DARS2: variants seen among roughly 807,000 people sequenced by gnomAD.
DARS2 encodes aspartate--tRNA ligase, mitochondrial.
Under a neutral mutation model 83.0 loss-of-function variants are expected in DARS2, and 63 were observed. The ratio of observed to expected loss-of-function variants is 0.76; its 90% CI spans 0.62 to 0.94. The LOEUF (loss-of-function observed/expected upper bound fraction) is 0.94. Among genes scored for constraint, DARS2 ranks in the 40% least tolerant of loss-of-function variants. The pLI is 0.00. For missense variants in DARS2, 675 were observed against 774.4 expected (o/e 0.87, Z 1.52); for synonymous variants, 250 against 269.3 (o/e 0.93, Z 0.70).
Position 173,833,537 on chromosome 1 carries a change from G to A in DARS2, c.616+38G>A, listed in dbSNP as rs542032133. On this transcript the variant is annotated intron_variant, in intron 6 of 16. Transcript: ENST00000649689. ...CCTGGATGCTCTTTGGAGCTTTGTAGCATCTCTTCTATTTTATTCAGCAGT... is the reference window on the plus strand; with the variant it reads ...CCTGGATGCTCTTTGGAGCTTTGTAACATCTCTTCTATTTTATTCAGCAGT... 5 of 1,613,160 alleles carry A rather than the reference G, an allele frequency of 3.1e-6. No homozygotes were observed. In the African/African-American group the frequency reaches 5.3e-5, roughly 17 times the overall value.
chr1:173,831,746 G>T (rs1300824673), intron 5 of DARS2, 116 bp downstream of exon 5: 10 of 813,854 alleles, frequency 1.2e-5, no homozygotes, highest in Middle Eastern at 5.4e-4. Context: ...GCATTTTATT[G>T]TAGACACATC....
At chr1:173,833,224 G>T in intron 5 of DARS2, 152 bp from the exon 6 acceptor site, 1 of 604,972 alleles carries the variant, frequency 1.7e-6, no homozygotes, top group Non-Finnish European at 2.7e-6. Context: ...GACAAACTTA[G>T]AAGTTGTAGG....
rs1188587847 is a variant in DARS2 at position 173,857,628 on chromosome 1, G to A, written c.1861G>A (p.Val621Ile). 2 of 1,614,120 alleles carry A rather than the reference G, an allele frequency of 1.2e-6. No individual in the cohort carries two copies. The highest frequency in any genetic ancestry group is 3.3e-5 in the Admixed American group (2 of 60,012). ...HDLMSNTPDSVPPEELKPYHI... is the reference protein window; with the variant it reads ...HDLMSNTPDSIPPEELKPYHI... ...CCTCATGAGCAATACCCCAGATTCTGTCCCTCCTGAGGAACTGAAGCCCTA... is the reference window on the plus strand; with the variant it reads ...CCTCATGAGCAATACCCCAGATTCTATCCCTCCTGAGGAACTGAAGCCCTA... Residue 621 changes from valine (V) to isoleucine (I), a missense_variant, in exon 17 of 17, where the codon GTC (valine) becomes ATC (isoleucine). By Grantham distance (29) the Val-to-Ile change is conservative. Transcript: ENST00000649689.
At chr1:173,852,162 G>A (rs1207011542) in intron 13 of DARS2, 1 of 985,284 alleles carries the variant, frequency 1.0e-6, no homozygotes, top group African/African-American at 1.7e-5. Flanking sequence ...AGACGTAAAT[G>A]TAAGATAGAA....
In DARS2 at chr1:173,830,717, G is replaced by A; in HGVS notation, c.352G>A (p.Val118Met). 1 of 1,614,062 alleles carries A rather than the reference G, an allele frequency of 6.2e-7. No homozygotes were observed. Among genetic ancestry groups the A allele is most frequent in the Non-Finnish European group, 8.5e-7 (1 of 1,179,930 alleles). ...CEAPVESVVQVSGTVISRPAG... is the reference protein window; with the variant it reads ...CEAPVESVVQMSGTVISRPAG... ...AGCCCCTGTGGAATCTGTGGTGCAAGTGTCTGGTACAGTCATTTCCCGTCC... is the reference window on the plus strand; with the variant it reads ...AGCCCCTGTGGAATCTGTGGTGCAAATGTCTGGTACAGTCATTTCCCGTCC... The change falls in exon 4 of 17, where the codon GTG becomes ATG. Residue 118 changes from valine to methionine, a missense_variant. Transcript: ENST00000649689.
At chr1:173,847,603 A>G (rs1006936410) in intron 12 of DARS2, among the ~76,000 whole-genome samples, 4 of 152,208 alleles carry the variant, frequency 2.6e-5, no homozygotes, top group African/African-American at 7.2e-5. Context: ...TGGCATACAC[A>G]TGGTTCAAAA....
chr1:173,829,912 A>T (rs2102637747), intron 3 of DARS2, among the ~76,000 whole-genome samples: 1 of 151,874 alleles, frequency 6.6e-6, no homozygotes, highest in Non-Finnish European at 1.5e-5. Flanking sequence ...TATCTCAAAA[A>T]AATAATAATA....
intron 2 of DARS2, among the ~76,000 whole-genome samples, chr1:173,827,244 TTTG>T (rs1403481416): frequency 2.0e-5 from 3 of 152,226 alleles, no homozygotes; most frequent in Non-Finnish European, 4.4e-5. Flanking sequence ...GAGCCCATTT[TTTG>T]TTGTTGTTCA....
intron 13 of DARS2, among the ~76,000 whole-genome samples, chr1:173,852,919 A>T (rs1487999694): frequency 6.6e-6 from 1 of 152,230 alleles, no homozygotes; most frequent in Admixed American, 6.6e-5. Flanking sequence ...AAGAGAAGTG[A>T]GGAAATAATC....
At chr1:173,834,399 A>T in intron 6 of DARS2, 74 bp from the exon 7 acceptor site, 1 of 1,123,026 alleles carries the variant, frequency 8.9e-7, no homozygotes, top group Non-Finnish European at 1.4e-6. Context: ...GATTTGTTGT[A>T]CTATATTGTG....
intron 10 of DARS2, among the ~76,000 whole-genome samples, chr1:173,840,363 C>T (rs564389728): frequency 1.3e-5 from 2 of 152,158 alleles, no homozygotes; most frequent in East Asian, 1.9e-4. Flanking sequence ...CTCAGCCTCC[C>T]GAGTAGCTGG....
chr1:173,855,461 GTGTT>G lies in DARS2; in HGVS notation c.1675-1190_1675-1187del, dbSNP rs56737036. ...CCTCCAATCACCCATTGGGTTTTGT[GTGTT>G]TGTTTGTTTGTTTGATTTTAAAAAG... is the stretch of plus-strand genomic sequence containing the variant. On this transcript the variant is annotated intron_variant, in intron 15 of 16. Coordinates refer to ENST00000649689, the MANE Select transcript of DARS2 (RefSeq NM_018122.5). 4.5e-3 allele frequency among the ~76,000 whole-genome samples: 686 copies of G among 151,882 alleles called. 5 individuals carry two copies. The highest frequency in any genetic ancestry group is 0.015 in the African/African-American group (626 of 41,408).
At chr1:173,825,933 CCTT>C (rs201169417) in intron 1 of DARS2, among the ~76,000 whole-genome samples, 2,095 of 150,982 alleles carry the variant, frequency 0.014, 50 homozygotes, top group African/African-American at 0.048. Context: ...TTAAAAAAAT[CCTT>C]CTTCGGCCGG....
chr1:173,852,037 T>A, intron 13 of DARS2: 1 of 985,466 alleles, frequency 1.0e-6, no homozygotes, highest in Non-Finnish European at 1.2e-6. Context: ...TGTTTCATTC[T>A]CAGGAAGTTA....
In DARS2 at chr1:173,825,924, TAAAA is replaced by T. The variant is rs535830750; in HGVS notation, c.127+572_127+575del. ...AATACTCTGCTTTTGGTTGATGCCT[TAAAA>T]AAATCCTTCTTCGGCCGGGCGCGGT... On this transcript the variant is annotated intron_variant, in intron 1 of 16. Coordinates refer to ENST00000649689, the MANE Select transcript of DARS2 (RefSeq NM_018122.5). Among the ~76,000 whole-genome samples, 289 of 150,882 alleles carry T rather than the reference TAAAA, an allele frequency of 1.9e-3. 2 individuals carry two copies. The highest frequency in any genetic ancestry group is 6.7e-3 in the African/African-American group (275 of 41,006).
intron 7 of DARS2, among the ~76,000 whole-genome samples, chr1:173,834,852 A>G (rs1652945091): frequency 7.7e-6 from 1 of 129,272 alleles, no homozygotes; most frequent in African/African-American, 3.0e-5. Context: ...GATCTCAGCT[A>G]ATTGCAACCT....
intron 6 of DARS2, among the ~76,000 whole-genome samples, chr1:173,834,224 C>G (rs903319473): frequency 6.6e-6 from 1 of 152,142 alleles, no homozygotes; most frequent in African/African-American, 2.4e-5. Context: ...GTTCAGTAGA[C>G]AAGAATCCAT....
chr1:173,858,486 A>G lies in DARS2; in HGVS notation c.*781A>G, dbSNP rs905125278. On this transcript the variant is annotated 3_prime_UTR_variant, in exon 17 of 17. Transcript: ENST00000649689. The stretch of plus-strand genomic sequence containing the variant: ...TCCATAAATAGGTAGATATATCTCT[A>G]TTTTATAGTTTCAGATTAAACAAAA... 2 of 152,166 alleles carry G rather than the reference A, an allele frequency of 1.3e-5. No homozygotes were observed. Among genetic ancestry groups the G allele is most frequent in the African/African-American group, 2.4e-5 (1 of 41,454 alleles). The allele number at this position is 152,166 out of a possible 1,614,324, so 9.4% of individuals were successfully genotyped here. A position where few individuals can be genotyped will look rare whatever the true frequency, so the allele number is the denominator to read the frequency against.
chr1:173,837,103 A>G, intron 8 of DARS2, 57 bp downstream of exon 8: 1 of 1,467,908 alleles, frequency 6.8e-7, no homozygotes, highest in Non-Finnish European at 9.5e-7. Flanking sequence ...AACAAAGGGA[A>G]AAAAGGAAAC....
Sources: gnomAD v4.1 joint callset for allele counts (sites outside exome capture counted in the v4.1 genomes callset) on GRCh38, gnomAD v4.1.1 for gene constraint, MANE v1.5 for transcripts, NCBI Gene and HGNC (gene_info 2026-07-23, HGNC 2026-07-21) for gene names.